The following PCDHGB4 variants were observed in gnomAD, a reference collection of about 807,000 sequenced individuals.
PCDHGB4 encodes the protein protocadherin gamma subfamily B, 4.
In PCDHGB4, 38 loss-of-function variants were observed where a neutral mutation model predicts 60.5. The ratio of observed to expected loss-of-function variants is 0.63; its 90% CI spans 0.48 to 0.82. The LOEUF (loss-of-function observed/expected upper bound fraction) is 0.82, where lower values mean the gene tolerates loss of function less well. Among genes scored for constraint, PCDHGB4 ranks in the 40% least tolerant of loss-of-function variants. The pLI is 0.00. For missense variants in PCDHGB4, 1,109 were observed against 1,209.6 expected, an observed-to-expected ratio of 0.92 and a Z score of 1.23; for synonymous variants, 456 against 509.7, an observed-to-expected ratio of 0.89 and a Z score of 1.42.
chr5:141,490,700 C>T lies in PCDHGB4; in HGVS notation c.2398-4107C>T. The T allele has an allele frequency of 6.2e-7, 1 of 1,614,152 alleles. No individual in the cohort carries two copies. Among genetic ancestry groups the T allele is most frequent in the Non-Finnish European group, 8.5e-7 (1 of 1,179,984 alleles). ...TCAGATCCAGACACTGGGGATAATG[C>T]CCGCCTCACCTACTCCATTGTAGGA... On this transcript the variant is annotated intron_variant, in intron 1 of 3. Transcript: ENST00000519479. This position sits in a 1 kb window ranked among gnomAD's most constrained non-coding sequence, Gnocchi z 5.4.
chr5:141,492,220 C>T (rs1388948434), intron 1 of PCDHGB4, among the ~76,000 whole-genome samples: 2 of 152,190 alleles, frequency 1.3e-5, no homozygotes, highest in Non-Finnish European at 1.5e-5. Context: ...GGGGCTCATG[C>T]GTGTCCTCCC....
intron 1 of PCDHGB4, among the ~76,000 whole-genome samples, chr5:141,405,902 G>A (rs777584362): frequency 2.6e-5 from 4 of 152,084 alleles, no homozygotes; most frequent in Non-Finnish European, 4.4e-5. Flanking sequence ...CTGAAAGGAG[G>A]CATTTATTAG....
At chr5:141,492,487 C>G (rs1031047955) in intron 1 of PCDHGB4, among the ~76,000 whole-genome samples, 1 of 152,222 alleles carries the variant, frequency 6.6e-6, no homozygotes, top group Non-Finnish European at 1.5e-5. Flanking sequence ...CGCCCAGGAC[C>G]AGGCGAGGAC....
intron 1 of PCDHGB4, among the ~76,000 whole-genome samples, chr5:141,445,320 A>G (rs1462989860): frequency 1.3e-5 from 2 of 152,188 alleles, no homozygotes; most frequent in Non-Finnish European, 2.9e-5. Flanking sequence ...GGTTGAGAGA[A>G]CCCATCCAGA....
intron 1 of PCDHGB4, among the ~76,000 whole-genome samples, chr5:141,457,836 C>T (rs1418402508): frequency 6.6e-6 from 1 of 152,202 alleles, no homozygotes; most frequent in African/African-American, 2.4e-5. Context: ...GCTTCCAGAC[C>T]TGTTAGAAAG....
chr5:141,485,797 C>T lies in PCDHGB4; in HGVS notation c.2398-9010C>T. 1 of 1,614,228 alleles carries T rather than the reference C, an allele frequency of 6.2e-7. No homozygotes were observed. Among genetic ancestry groups the T allele is most frequent in the South Asian group, 1.1e-5 (1 of 91,092 alleles). On this transcript the variant is annotated intron_variant, in intron 1 of 3. Coordinates refer to ENST00000519479, the MANE Select transcript of PCDHGB4 (RefSeq NM_003736.4). This position sits in a 1 kb window ranked among gnomAD's most constrained non-coding sequence, Gnocchi z 5.7. ...TGGATCGAGAGAAGCAATCGGACTACCGCCTGGTGCTGACTGCTGTCGATG... is the reference window on the plus strand; with the variant it reads ...TGGATCGAGAGAAGCAATCGGACTATCGCCTGGTGCTGACTGCTGTCGATG...
chr5:141,399,708 A>G lies in PCDHGB4; in HGVS notation c.2397+9427A>G, dbSNP rs769072460. On this transcript the variant is annotated intron_variant, in intron 1 of 3. Transcript: ENST00000519479. ...AGCAGCTGCGCACCTTCGAACTCAC[A>G]CTACAGGCCCGCGACCAGGGCTCGC... 5.6e-6 allele frequency: 9 copies of G among 1,613,256 alleles called. No homozygotes were observed. In the African/African-American group the frequency reaches 8.0e-5, roughly 14 times the overall value.
intron 1 of PCDHGB4, chr5:141,427,797 G>T: frequency 6.6e-7 from 1 of 1,505,306 alleles, no homozygotes; most frequent in Non-Finnish European, 9.1e-7. Flanking sequence ...CTACGTGTCC[G>T]TGAGCGCACA....
In PCDHGB4 at chr5:141,486,708, C is replaced by A; in HGVS notation, c.2398-8099C>A. On this transcript the variant is annotated intron_variant, in intron 1 of 3. Transcript: ENST00000519479. The surrounding 1 kb of genome is among the most constrained non-coding windows in gnomAD (Gnocchi z 5.0). ...GCTTCCTCTTTCATCTCTCTGAACC[C>A]CCAGACAGGAGCTGTTCATGCTACT... is the stretch of plus-strand genomic sequence containing the variant. 6.2e-7 allele frequency: 1 copy of A among 1,614,180 alleles called. No individual in the cohort carries two copies. Among genetic ancestry groups the A allele is most frequent in the South Asian group, 1.1e-5 (1 of 91,084 alleles).
chr5:141,484,653 C>G (rs2099598614), intron 1 of PCDHGB4, among the ~76,000 whole-genome samples: 1 of 152,036 alleles, frequency 6.6e-6, no homozygotes, highest in Non-Finnish European at 1.5e-5. Flanking sequence ...AATGGCTACT[C>G]TCCCTCTCAG....
Position 141,490,348 on chromosome 5 carries a change from G to T in PCDHGB4, c.2398-4459G>T, listed in dbSNP as rs2099698964. On this transcript the variant is annotated intron_variant, in intron 1 of 3. Transcript: ENST00000519479. The surrounding 1 kb of genome is among the most constrained non-coding windows in gnomAD (Gnocchi z 5.4). ...GAGCACACCAGTGGGCACAGTAGTG[G>T]GGTTGTTTAATGTGCGAGACCGGGA... The T allele has an allele frequency of 1.2e-6, 2 of 1,614,080 alleles. No homozygotes were observed. The highest frequency in any genetic ancestry group is 3.3e-5 in the Admixed American group (2 of 60,018).
Position 141,432,035 on chromosome 5 carries a change from G to T in PCDHGB4, c.2397+41754G>T. 1 of 1,614,218 alleles carries T rather than the reference G, an allele frequency of 6.2e-7. No homozygotes were observed. The highest frequency in any genetic ancestry group is 1.1e-5 in the South Asian group (1 of 91,066). On this transcript the variant is annotated intron_variant, in intron 1 of 3. Transcript: ENST00000519479. The surrounding 1 kb of genome is among the most constrained non-coding windows in gnomAD (Gnocchi z 6.0). ...CTACAACATCACAGTGACCGCCACT[G>T]ACCGGGGAACCCCGCCCCTATCCAC... is the stretch of plus-strand genomic sequence containing the variant.
Position 141,491,019 on chromosome 5 carries a change from A to G in PCDHGB4, c.2398-3788A>G. 5 of 1,614,116 alleles carry G rather than the reference A, an allele frequency of 3.1e-6. No individual in the cohort carries two copies. The highest frequency in any genetic ancestry group is 4.2e-6 in the Non-Finnish European group (5 of 1,180,026). ...CTGGCTCCTTGGTCACCAAGGTGAC[A>G]GCCGTGGATGCTGATGCAGGCCACA... On this transcript the variant is annotated intron_variant, in intron 1 of 3. Coordinates refer to ENST00000519479, the MANE Select transcript of PCDHGB4 (RefSeq NM_003736.4). This position sits in a 1 kb window ranked among gnomAD's most constrained non-coding sequence, Gnocchi z 6.9.
At chr5:141,455,506 G>T (rs1307993951) in intron 1 of PCDHGB4, among the ~76,000 whole-genome samples, 1 of 152,152 alleles carries the variant, frequency 6.6e-6, no homozygotes, top group African/African-American at 2.4e-5. Flanking sequence ...ATTTGCATAG[G>T]GCTCAGGGGA....
At chr5:141,419,916 C>T in intron 1 of PCDHGB4, 1 of 1,614,080 alleles carries the variant, frequency 6.2e-7, no homozygotes, top group Non-Finnish European at 8.5e-7. Context: ...GACTCCCAGG[C>T]TGAGATGCAG....
At chr5:141,404,516 T>G (rs968433488) in intron 1 of PCDHGB4, 1 of 1,613,754 alleles carries the variant, frequency 6.2e-7, no homozygotes, top group African/African-American at 1.3e-5. Flanking sequence ...CTCCTTTGAC[T>G]ATGAGCAGTT....
At chr5:141,397,507 T>C (rs2093532297) in intron 1 of PCDHGB4, among the ~76,000 whole-genome samples, 1 of 152,222 alleles carries the variant, frequency 6.6e-6, no homozygotes, top group Non-Finnish European at 1.5e-5. Flanking sequence ...GATAAAATTG[T>C]TTCCATAGCT....
chr5:141,444,238 C>T (rs1011385887), intron 1 of PCDHGB4, among the ~76,000 whole-genome samples: 6 of 125,052 alleles, frequency 4.8e-5, no homozygotes, highest in Non-Finnish European at 9.4e-5. Context: ...ATGGCATGCT[C>T]TCGGCTCACT....
At chr5:141,395,309 CATT>C in intron 1 of PCDHGB4, 1 of 1,506,030 alleles carries the variant, frequency 6.6e-7, no homozygotes, top group Non-Finnish European at 8.9e-7. Flanking sequence ...TTTTGAAAAA[CATT>C]GTGAAGATAG....
Sources: allele counts gnomAD v4.1 joint callset (sites outside exome capture counted in the v4.1 genomes callset), GRCh38; gene constraint gnomAD v4.1.1; non-coding constraint Gnocchi (gnomAD v3.1); transcripts MANE v1.5; gene names NCBI Gene and HGNC (gene_info 2026-07-23, HGNC 2026-07-21).